SLC9B2: variants seen among roughly 807,000 people sequenced by gnomAD.
SLC9B2 encodes sodium/hydrogen exchanger 9B2.
A neutral mutation model predicts 52.2 loss-of-function variants in SLC9B2; 39 were observed. That is an observed-to-expected ratio of 0.75 (90% CI 0.58 to 0.98). SLC9B2 has a LOEUF of 0.98. Among genes scored for constraint, SLC9B2 ranks in the 50% least tolerant of loss-of-function variants. SLC9B2 has a pLI of 0.00. For synonymous variants in SLC9B2, 214 were observed against 227.0 expected, an observed-to-expected ratio of 0.94 and a Z score of 0.51; for missense variants, 626 against 637.5, an observed-to-expected ratio of 0.98 and a Z score of 0.19.
At chr4:103,045,222 G>GA (rs1744016795) in intron 7 of SLC9B2, among the ~76,000 whole-genome samples, 2 of 152,264 alleles carry the variant, frequency 1.3e-5, no homozygotes, top group Non-Finnish European at 2.9e-5. Flanking sequence ...ACATTGTGCA[G>GA]AAAATTATAT....
At chr4:103,068,076 A>G (rs1746303713) in intron 1 of SLC9B2, among the ~76,000 whole-genome samples, 1 of 152,170 alleles carries the variant, frequency 6.6e-6, no homozygotes, top group East Asian at 1.9e-4. Flanking sequence ...ATACACCACA[A>G]TTGACTGAGT....
chr4:103,032,760 G>T (rs964118605), intron 9 of SLC9B2, among the ~76,000 whole-genome samples: 12 of 152,128 alleles, frequency 7.9e-5, no homozygotes, highest in African/African-American at 2.9e-4. Flanking sequence ...TCTTGAGCAA[G>T]ATACTTCCCC....
In SLC9B2 at chr4:103,054,976, T is replaced by A. The variant is rs567646128; in HGVS notation, c.442+2825A>T. 2.6e-5 allele frequency among the ~76,000 whole-genome samples: 4 copies of A among 152,204 alleles called. No homozygotes were observed. The East Asian group carries it at 7.7e-4, about 29-fold the overall frequency. On this transcript the variant is annotated intron_variant, in intron 4 of 11. Transcript: ENST00000394785. ...TGGCACTATTCACAATAGCAAAGAC[T>A]TGGAACCAAGCCAAATGTCCAACAA...
At chr4:103,067,633 G>A (rs771539854) in intron 1 of SLC9B2, 41 bp from the exon 2 acceptor site, 37 of 1,120,910 alleles carry the variant, frequency 3.3e-5, no homozygotes, top group Non-Finnish European at 4.9e-5. Context: ...TAATTTGAAA[G>A]TCTTGTGATT....
intron 3 of SLC9B2, among the ~76,000 whole-genome samples, chr4:103,062,032 T>C (rs1211210760): frequency 2.0e-5 from 3 of 152,218 alleles, no homozygotes; most frequent in Non-Finnish European, 4.4e-5. Flanking sequence ...AGAGGTAGAA[T>C]GGGAAAGCAG....
At chr4:103,073,261 C>G (rs1231658952) in intron 1 of SLC9B2, among the ~76,000 whole-genome samples, 1 of 152,166 alleles carries the variant, frequency 6.6e-6, no homozygotes, top group African/African-American at 2.4e-5. Flanking sequence ...AAGAGCATCA[C>G]TATGATTGTT....
intron 10 of SLC9B2, among the ~76,000 whole-genome samples, chr4:103,030,994 T>A (rs965148208): frequency 7.6e-5 from 11 of 144,866 alleles, no homozygotes; most frequent in African/African-American, 2.8e-4. Context: ...TGTTGCAGCA[T>A]GTGTCAGAAG....
At chr4:103,034,071 A>T (rs1468426957) in intron 9 of SLC9B2, among the ~76,000 whole-genome samples, 1 of 152,188 alleles carries the variant, frequency 6.6e-6, no homozygotes, top group Non-Finnish European at 1.5e-5. Flanking sequence ...ACAAGGCTAC[A>T]GTAACTAAAA....
chr4:103,018,693 G>A (rs1420899231), downstream of SLC9B2, among the ~76,000 whole-genome samples: 3 of 152,086 alleles, frequency 2.0e-5, no homozygotes, highest in Non-Finnish European at 4.4e-5. Context: ...GTATGGTCCC[G>A]TGAAGAGCTC....
intron 1 of SLC9B2, 114 bp from the exon 2 acceptor site, chr4:103,067,706 A>T (rs558059540): frequency 2.1e-5 from 13 of 622,774 alleles, no homozygotes; most frequent in Admixed American, 1.4e-4. Context: ...AACTATTTGA[A>T]ATTAGACTAT....
rs184684939 is a variant in SLC9B2, at chr4:103,022,578, T to C, written c.*3792A>G. 6.6e-6 allele frequency among the ~76,000 whole-genome samples: 1 copy of C among 152,354 alleles called. No individual in the cohort carries two copies. Among genetic ancestry groups the C allele is most frequent in the African/African-American group, 2.4e-5 (1 of 41,592 alleles). On this transcript the variant is annotated 3_prime_UTR_variant, in exon 12 of 12. Coordinates refer to ENST00000394785, the MANE Select transcript of SLC9B2 (RefSeq NM_178833.7). ...GTGTTACTTTATAATCAGAAAAAAA[T>C]ACTATTTTTAAAGAATGTAGTGGAT...
At position 103,023,078 on chromosome 4, in the gene SLC9B2, T is replaced by C. The variant is rs769433559; in HGVS notation, c.*3292A>G. Among the ~76,000 whole-genome samples the C allele has an allele frequency of 3.4e-4, 52 of 152,210 alleles. No homozygotes were observed. Among genetic ancestry groups the C allele is most frequent in the Non-Finnish European group, 6.0e-4 (41 of 68,030 alleles). On this transcript the variant is annotated 3_prime_UTR_variant, in exon 12 of 12. Transcript: ENST00000394785. Reference sequence around the variant, plus strand: ...CCACCCAGTGTATGGTATTTTGTTATAGCAGCCCAAGCTGACTAAGATAGA... The same window carrying C: ...CCACCCAGTGTATGGTATTTTGTTACAGCAGCCCAAGCTGACTAAGATAGA...
At chr4:103,049,641 A>G (rs1247658023) in intron 5 of SLC9B2, among the ~76,000 whole-genome samples, 1 of 152,176 alleles carries the variant, frequency 6.6e-6, no homozygotes, top group East Asian at 1.9e-4. Context: ...ACCCTGGTCT[A>G]TATGTACATC....
intron 4 of SLC9B2, among the ~76,000 whole-genome samples, chr4:103,055,002 T>C (rs1744999699): frequency 6.6e-6 from 1 of 152,022 alleles, no homozygotes; most frequent in South Asian, 2.1e-4. Context: ...TGTCCAACAA[T>C]GATAGACTGG....
At chr4:103,038,216 A>C (rs1026107753) in intron 9 of SLC9B2, among the ~76,000 whole-genome samples, 5 of 152,154 alleles carry the variant, frequency 3.3e-5, no homozygotes, top group Admixed American at 1.3e-4. Flanking sequence ...CAACTCTATT[A>C]ATTTTAGATT....
At chr4:103,058,812 A>G (rs1358139246) in intron 3 of SLC9B2, among the ~76,000 whole-genome samples, 1 of 152,156 alleles carries the variant, frequency 6.6e-6, no homozygotes, top group African/African-American at 2.4e-5. Flanking sequence ...TGCCTGTCCC[A>G]TCACTTTAGG....
intron 9 of SLC9B2, among the ~76,000 whole-genome samples, chr4:103,035,800 C>A (rs548658801): frequency 6.6e-6 from 1 of 152,106 alleles, no homozygotes; most frequent in African/African-American, 2.4e-5. Context: ...TAGAAATCAC[C>A]CTACCATTAA....
chr4:103,072,139 A>G, intron 1 of SLC9B2, among the ~76,000 whole-genome samples: 1 of 142,706 alleles, frequency 7.0e-6, no homozygotes, highest in Non-Finnish European at 1.5e-5. Context: ...GCTCACTGCA[A>G]CCTCTGCCTT....
chr4:103,036,379 G>A (rs562946327), intron 9 of SLC9B2, among the ~76,000 whole-genome samples: 1 of 152,260 alleles, frequency 6.6e-6, no homozygotes, highest in East Asian at 1.9e-4. Context: ...TTTTAAAGTG[G>A]AGGGTGGCAG....
Sources: allele counts gnomAD v4.1 joint callset (sites outside exome capture counted in the v4.1 genomes callset), GRCh38; gene constraint gnomAD v4.1.1; transcripts MANE v1.5; gene names NCBI Gene and HGNC (gene_info 2026-07-23, HGNC 2026-07-21).